The following FNBP1L variants were observed in gnomAD, a reference collection of about 807,000 sequenced individuals.
FNBP1L encodes the protein formin-binding protein 1-like.
FNBP1L carries 36 observed loss-of-function variants against 91.2 expected under a neutral mutation model. The observed-to-expected ratio is 0.39, with a 90% CI of 0.30 to 0.52. FNBP1L has a LOEUF of 0.52. Ranked by LOEUF, FNBP1L falls within the 20% of genes least tolerant of loss-of-function variation. The pLI is 0.66. For missense variants in FNBP1L, 571 were observed against 732.1 expected (o/e 0.78, Z 2.54); for synonymous variants, 242 against 237.0 (o/e 1.02, Z -0.19).
chr1:93,502,452 C>G (rs1317728934), intron 2 of FNBP1L, among the ~76,000 whole-genome samples: 1 of 152,092 alleles, frequency 6.6e-6, no homozygotes, highest in Admixed American at 6.6e-5. Flanking sequence ...TCCAGGACAA[C>G]TTAGACCTCA....
At chr1:93,499,360 T>C in intron 1 of FNBP1L, 108 bp from the exon 2 acceptor site, 1 of 722,892 alleles carries the variant, frequency 1.4e-6, no homozygotes. Flanking sequence ...GCCTGGGTTT[T>C]TCCTTTTATA....
chr1:93,485,379 A>G (rs1301933654), intron 1 of FNBP1L, among the ~76,000 whole-genome samples: 1 of 152,198 alleles, frequency 6.6e-6, no homozygotes, highest in Non-Finnish European at 1.5e-5. Flanking sequence ...CCTATAGAGA[A>G]CAATTATCCT....
At chr1:93,533,135 A>G in intron 8 of FNBP1L, 67 bp downstream of exon 8, 1 of 1,438,820 alleles carries the variant, frequency 7.0e-7, no homozygotes, top group Non-Finnish European at 9.5e-7. Flanking sequence ...AGTTAGTGAA[A>G]TGAGTTGAGA....
At chr1:93,501,658 T>C (rs1670443163) in intron 2 of FNBP1L, among the ~76,000 whole-genome samples, 1 of 152,066 alleles carries the variant, frequency 6.6e-6, no homozygotes, top group South Asian at 2.1e-4. Flanking sequence ...TGAGTTTTGG[T>C]TGGGGTCAAA....
At chr1:93,535,708 G>C (rs1461256495) in intron 9 of FNBP1L, among the ~76,000 whole-genome samples, 1 of 151,732 alleles carries the variant, frequency 6.6e-6, no homozygotes, top group Non-Finnish European at 1.5e-5. Context: ...ATTAACTCAT[G>C]CTTTATTTAT....
intron 5 of FNBP1L, 91 bp downstream of exon 5, chr1:93,524,414 T>A (rs1280684115): frequency 1.7e-5 from 14 of 838,434 alleles, no homozygotes. Context: ...TTGAGTTTAA[T>A]GTTTCTCAGT....
intron 1 of FNBP1L, among the ~76,000 whole-genome samples, chr1:93,461,862 A>G (rs1334792085): frequency 2.0e-5 from 3 of 152,216 alleles, no homozygotes; most frequent in South Asian, 4.1e-4. Flanking sequence ...CTGATCTGAC[A>G]TTTTAAGAAG....
intron 9 of FNBP1L, among the ~76,000 whole-genome samples, chr1:93,535,170 C>T (rs1671804144): frequency 6.6e-6 from 1 of 152,002 alleles, no homozygotes; most frequent in South Asian, 2.1e-4. Flanking sequence ...TTTGAAGTTT[C>T]ATTTGTATGT....
chr1:93,469,470 C>G (rs1553209390), intron 1 of FNBP1L, among the ~76,000 whole-genome samples: 1 of 152,100 alleles, frequency 6.6e-6, no homozygotes, highest in Non-Finnish European at 1.5e-5. Flanking sequence ...GCCACATTAT[C>G]TTTATCCAGT....
intron 1 of FNBP1L, among the ~76,000 whole-genome samples, chr1:93,453,236 A>G (rs1317321589): frequency 6.6e-6 from 1 of 152,176 alleles, no homozygotes; most frequent in Non-Finnish European, 1.5e-5. Context: ...TGTATTACAG[A>G]CGTTATTGCT....
At chr1:93,483,840 A>G (rs975047511) in intron 1 of FNBP1L, among the ~76,000 whole-genome samples, 2 of 152,214 alleles carry the variant, frequency 1.3e-5, no homozygotes, top group African/African-American at 4.8e-5. Flanking sequence ...ACTTAAGTGA[A>G]CTGATTTAAA....
intron 5 of FNBP1L, among the ~76,000 whole-genome samples, chr1:93,525,926 T>G (rs371938380): frequency 2.6e-5 from 4 of 152,282 alleles, no homozygotes; most frequent in Middle Eastern, 3.4e-3. Flanking sequence ...TAGAAACAAG[T>G]GTAGGATTCT....
At chr1:93,534,669 G>A in intron 8 of FNBP1L, 36 bp from the exon 9 acceptor site, 1 of 1,425,270 alleles carries the variant, frequency 7.0e-7, no homozygotes, top group Non-Finnish European at 9.6e-7. Context: ...TTATGAGCAA[G>A]TGAAACAGTT....
At chr1:93,547,869 G>A (rs542469693) in intron 14 of FNBP1L, among the ~76,000 whole-genome samples, 1 of 152,254 alleles carries the variant, frequency 6.6e-6, no homozygotes, top group Admixed American at 6.5e-5. Flanking sequence ...CTAAGTTTCT[G>A]TACCACTTGT....
At chr1:93,457,875 T>G (rs1159099597) in intron 1 of FNBP1L, among the ~76,000 whole-genome samples, 1 of 152,032 alleles carries the variant, frequency 6.6e-6, no homozygotes, top group African/African-American at 2.4e-5. Flanking sequence ...CACTGCAAGC[T>G]CTGCCTCCTG....
intron 1 of FNBP1L, among the ~76,000 whole-genome samples, chr1:93,458,422 G>T (rs1034756656): frequency 6.6e-5 from 10 of 152,114 alleles, no homozygotes; most frequent in African/African-American, 2.4e-4. Context: ...GAGCTACCGT[G>T]CCCAGCCCAG....
chr1:93,511,853 C>T (rs1670858314), intron 2 of FNBP1L, among the ~76,000 whole-genome samples: 1 of 149,162 alleles, frequency 6.7e-6, no homozygotes, highest in Admixed American at 6.7e-5. Flanking sequence ...GTAGTCCCAG[C>T]TACTTGGGAG....
chr1:93,537,378 T>C (rs1045268346), intron 10 of FNBP1L, among the ~76,000 whole-genome samples: 1 of 152,022 alleles, frequency 6.6e-6, no homozygotes, highest in African/African-American at 2.4e-5. Flanking sequence ...TTCCCTCCCT[T>C]CCTTTCTCCT....
Position 93,524,910 on chromosome 1 carries a change from G to T in FNBP1L, c.405+587G>T, listed in dbSNP as rs1024124610. Among the ~76,000 whole-genome samples, 3 of 151,994 alleles carry T rather than the reference G, an allele frequency of 2.0e-5. No individual in the cohort carries two copies. In the East Asian group the frequency reaches 5.8e-4, roughly 29 times the overall value. ...TACTTTGTAGGGCAAAATTATAAAG[G>T]CATAATAATTATTTACTTAAAAATT... On this transcript the variant is annotated intron_variant, in intron 5 of 16. Transcript: ENST00000271234.
Sources: gnomAD v4.1 joint callset for allele counts (sites outside exome capture counted in the v4.1 genomes callset) on GRCh38, gnomAD v4.1.1 for gene constraint, MANE v1.5 for transcripts, NCBI Gene and HGNC (gene_info 2026-07-23, HGNC 2026-07-21) for gene names.